ZNHIT6: variants seen among roughly 807,000 people sequenced by gnomAD.
The protein encoded by ZNHIT6 is zinc finger HIT-type containing 6, also known as box C/D snoRNA protein 1.
ZNHIT6 carries 45 observed loss-of-function variants against 57.2 expected under a neutral mutation model. The ratio of observed to expected loss-of-function variants is 0.79; its 90% CI spans 0.62 to 1.01. ZNHIT6 has a LOEUF of 1.01. ZNHIT6 is among the 50% of genes least tolerant of loss of function. ZNHIT6 has a pLI of 0.00. For missense variants in ZNHIT6, 528 were observed against 567.3 expected (o/e 0.93, Z 0.70); for synonymous variants, 188 against 190.0 (o/e 0.99, Z 0.09).
At position 85,651,547 on chromosome 1, in the gene ZNHIT6, A is replaced by T. The variant is rs933283262; in HGVS notation, c.*2511T>A. The T allele has an allele frequency of 1.3e-5, 2 of 152,182 alleles. No individual in the cohort carries two copies. Among genetic ancestry groups the T allele is most frequent in the African/African-American group, 4.8e-5 (2 of 41,446 alleles). 9.4% of individuals were successfully genotyped at this position (152,182 alleles called of 1,614,324 possible). ...CACTGTGCCTAGCCAATTCATATTT[A>T]TAAAAGGAATAGGTACAAGTTTTAT... On this transcript the variant is annotated 3_prime_UTR_variant, in exon 10 of 10. Coordinates refer to ENST00000370574, the MANE Select transcript of ZNHIT6 (RefSeq NM_017953.4).
In ZNHIT6 at chr1:85,680,924, T is replaced by C. The variant is rs1402294485; in HGVS notation, c.1020-20A>G. ...TGTTTTCTAAGAGAGAAAATAATCATGTGAGAATCAAGGTAGATAATAAAA... is the reference window on the plus strand; with the variant it reads ...TGTTTTCTAAGAGAGAAAATAATCACGTGAGAATCAAGGTAGATAATAAAA... On this transcript the variant is annotated intron_variant, in intron 5 of 9. Transcript: ENST00000370574. The C allele has an allele frequency of 6.3e-7, 1 of 1,591,942 alleles. No individual in the cohort carries two copies. The highest frequency in any genetic ancestry group is 1.7e-5 in the Admixed American group (1 of 59,122).
rs568843361 is a variant in ZNHIT6, at chr1:85,685,579, CT to C, written c.1020-4676del. On this transcript the variant is annotated intron_variant, in intron 5 of 9. Transcript: ENST00000370574. ...AATCTTCCACATAATGATTTGTGGG[CT>C]TTTTTTTCCTTTTTTGAGACAAGGT... Among the ~76,000 whole-genome samples the C allele has an allele frequency of 2.3e-4, 35 of 151,970 alleles. 1 individual carries two copies. In the East Asian group the frequency reaches 6.4e-3, roughly 28 times the overall value.
intron 8 of ZNHIT6, among the ~76,000 whole-genome samples, chr1:85,675,045 C>A (rs1661661614): frequency 6.6e-6 from 1 of 152,160 alleles, no homozygotes; most frequent in African/African-American, 2.4e-5. Context: ...TTTGTCCTAG[C>A]ATACCAGGGT....
intron 5 of ZNHIT6, among the ~76,000 whole-genome samples, chr1:85,688,294 T>C (rs971102373): frequency 3.9e-5 from 6 of 152,192 alleles, no homozygotes; most frequent in African/African-American, 1.4e-4. Context: ...AAGGTCATTA[T>C]TCAGCTGGAA....
Position 85,668,885 on chromosome 1 carries a change from A to G in ZNHIT6, c.1247+8351T>C, listed in dbSNP as rs147991398. 1.8e-3 allele frequency among the ~76,000 whole-genome samples: 268 copies of G among 152,280 alleles called. No homozygotes were observed. In the Middle Eastern group the frequency reaches 0.02, roughly 12 times the overall value. On this transcript the variant is annotated intron_variant, in intron 8 of 9. Transcript: ENST00000370574. ...GTCACATGTTAGACATTGTGTGGGAACCAAAAATGTCCTCAAAGAGTTTAC... is the reference window on the plus strand; with the variant it reads ...GTCACATGTTAGACATTGTGTGGGAGCCAAAAATGTCCTCAAAGAGTTTAC...
rs147428326 is a variant in ZNHIT6, at chr1:85,649,908, G to A, written c.*4150C>T. 2 of 151,556 alleles carry A rather than the reference G, an allele frequency of 1.3e-5. No individual in the cohort carries two copies. The highest frequency in any genetic ancestry group is 2.9e-5 in the Non-Finnish European group (2 of 67,842). 9.4% of individuals were successfully genotyped at this position (151,556 alleles called of 1,614,324 possible). A position where few individuals can be genotyped will look rare whatever the true frequency, so the allele number is the denominator to read the frequency against. ...TGGCAACTCAAAGCAGCAATAATAA[G>A]AAGAAGAGATTAAAATCTCTAGTTA... On this transcript the variant is annotated 3_prime_UTR_variant, in exon 10 of 10. Transcript: ENST00000370574.
At chr1:85,676,595 T>C (rs1396049508) in intron 8 of ZNHIT6, among the ~76,000 whole-genome samples, 1 of 152,172 alleles carries the variant, frequency 6.6e-6, no homozygotes, top group African/African-American at 2.4e-5. Context: ...TGGTTATTAA[T>C]TGGCCTAATT....
intron 5 of ZNHIT6, among the ~76,000 whole-genome samples, chr1:85,696,809 T>G (rs2100710355): frequency 6.6e-6 from 1 of 151,854 alleles, no homozygotes; most frequent in Admixed American, 6.6e-5. Flanking sequence ...GTTTATCAGC[T>G]AAATACCATG....
chr1:85,707,599 T>C (rs1161715242), intron 1 of ZNHIT6, 30 bp downstream of exon 1: 2 of 1,524,078 alleles, frequency 1.3e-6, no homozygotes, highest in Non-Finnish European at 1.8e-6. Context: ...CACAGCTTTA[T>C]TCCCCTAAAT....
At chr1:85,667,961 A>AATATATATATATATATATATAT (rs1553155849) in intron 8 of ZNHIT6, among the ~76,000 whole-genome samples, 1 of 18,172 alleles carries the variant, frequency 5.5e-5, no homozygotes, top group Non-Finnish European at 9.9e-5. Flanking sequence ...AAAAAAAAAA[A>AATATATATATATATATATATAT]ATATATATAT....
chr1:85,694,866 T>C (rs1662321695), intron 5 of ZNHIT6, among the ~76,000 whole-genome samples: 1 of 152,184 alleles, frequency 6.6e-6, no homozygotes, highest in South Asian at 2.1e-4. Context: ...GTGGTAGGTA[T>C]TCCCATAGGG....
At chr1:85,682,749 T>C (rs549443552) in intron 5 of ZNHIT6, among the ~76,000 whole-genome samples, 1 of 152,322 alleles carries the variant, frequency 6.6e-6, no homozygotes, top group Non-Finnish European at 1.5e-5. Flanking sequence ...AACAGAATAA[T>C]GTAAAGAACA....
rs888367446 is a variant in ZNHIT6, at chr1:85,649,661, G to A, written c.*4397C>T. On this transcript the variant is annotated 3_prime_UTR_variant, in exon 10 of 10. Transcript: ENST00000370574. The stretch of plus-strand genomic sequence containing the variant: ...TTTTAGTCAAGTACAGATCCCCAAA[G>A]GTTTATTTAAAGCCAATTTTTATTT... 1.3e-5 allele frequency: 2 copies of A among 152,014 alleles called. No individual in the cohort carries two copies. Among genetic ancestry groups the A allele is most frequent in the African/African-American group, 4.8e-5 (2 of 41,404 alleles). The allele number at this position is 152,014 out of a possible 1,614,324, so 9.4% of individuals were successfully genotyped here.
At chr1:85,665,353 G>C (rs1661341032) in intron 8 of ZNHIT6, among the ~76,000 whole-genome samples, 1 of 151,762 alleles carries the variant, frequency 6.6e-6, no homozygotes, top group Non-Finnish European at 1.5e-5. Context: ...TCAAACTCCT[G>C]GGCTCAAATG....
At chr1:85,692,768 T>C (rs768405443) in intron 5 of ZNHIT6, among the ~76,000 whole-genome samples, 3 of 151,528 alleles carry the variant, frequency 2.0e-5, no homozygotes, top group Non-Finnish European at 2.9e-5. Flanking sequence ...ACCACATAAC[T>C]GTTTAAGGAA....
rs564156059 is a variant in ZNHIT6, at chr1:85,651,117, T to A, written c.*2941A>T. 1 of 152,208 alleles carries A rather than the reference T, an allele frequency of 6.6e-6. No individual in the cohort carries two copies. The highest frequency in any genetic ancestry group is 1.5e-5 in the Non-Finnish European group (1 of 68,026). The allele number at this position is 152,208 out of a possible 1,614,324, so 9.4% of individuals were successfully genotyped here. A position where few individuals can be genotyped will look rare whatever the true frequency, so the allele number is the denominator to read the frequency against. On this transcript the variant is annotated 3_prime_UTR_variant, in exon 10 of 10. Coordinates refer to ENST00000370574, the MANE Select transcript of ZNHIT6 (RefSeq NM_017953.4). ...AATGTATAAAGAAAATTGTTGGCAT[T>A]ATAGTTATGTGATTAACATTTTAAT...
intron 8 of ZNHIT6, among the ~76,000 whole-genome samples, chr1:85,667,946 T>TAAAAAAAAAAA (rs1471641849): frequency 1.6e-3 from 6 of 3,734 alleles, no homozygotes; most frequent in Admixed American, 4.7e-3. Flanking sequence ...ACTCTCTCTT[T>TAAAAAAAAAAA]CAAAAAAAAA....
chr1:85,662,183 C>T (rs1661244556), intron 8 of ZNHIT6, among the ~76,000 whole-genome samples: 2 of 145,614 alleles, frequency 1.4e-5, no homozygotes, highest in South Asian at 4.4e-4. Flanking sequence ...CTCCTCATAA[C>T]CACAAAAGAC....
At chr1:85,662,211 A>C (rs1205228735) in intron 8 of ZNHIT6, among the ~76,000 whole-genome samples, 1 of 151,888 alleles carries the variant, frequency 6.6e-6, no homozygotes, top group Non-Finnish European at 1.5e-5. Flanking sequence ...TAAAGAAACG[A>C]AATCACAAAC....
Sources: allele counts gnomAD v4.1 joint callset (sites outside exome capture counted in the v4.1 genomes callset), GRCh38; gene constraint gnomAD v4.1.1; transcripts MANE v1.5; gene names NCBI Gene and HGNC (gene_info 2026-07-23, HGNC 2026-07-21).